The following ATF7IP variants were observed in gnomAD, a reference collection of about 807,000 sequenced individuals.
ATF7IP encodes the protein activating transcription factor 7 interacting protein, also known as activating transcription factor 7-interacting protein 1.
Under a neutral mutation model 106.4 loss-of-function variants are expected in ATF7IP, and 23 were observed. The ratio of observed to expected loss-of-function variants is 0.22; its 90% confidence interval spans 0.16 to 0.31. The LOEUF (loss-of-function observed/expected upper bound fraction) is 0.31. Among genes scored for constraint, ATF7IP ranks in the 10% least tolerant of loss-of-function variants. The probability of loss-of-function intolerance (pLI) is 1.00; values close to 1 mark genes in which losing one functional copy is unlikely to be tolerated. For missense variants in ATF7IP, 1,334 were observed against 1,524.3 expected, an observed-to-expected ratio of 0.88 and a Z score of 2.08; for synonymous variants, 542 against 539.0, an observed-to-expected ratio of 1.01 and a Z score of -0.08.
intron 10 of ATF7IP, among the ~76,000 whole-genome samples, chr12:14,473,288 C>CTATGTG (rs796814505): frequency 1.4e-5 from 2 of 140,350 alleles, no homozygotes; most frequent in Non-Finnish European, 3.1e-5. Flanking sequence ...CTCTCTCTCT[C>CTATGTG]TCTGTGTGTG....
chr12:14,460,914 A>G lies in ATF7IP; in HGVS notation c.2578A>G (p.Thr860Ala), dbSNP rs145691516. The G allele has an allele frequency of 7.9e-4, 1,279 of 1,614,032 alleles. 1 individual carries two copies. Among genetic ancestry groups the G allele is most frequent in the Non-Finnish European group, 1.0e-3 (1,227 of 1,180,026 alleles). ...CAGTCCTAGTATTCAAAGGAACCCT[A>G]CTGCCAGTGCTGCACCATTGGGAAC... ...VPSPSIQRNP[T>A]ASAAPLGTTL... The change falls in exon 9 of 15, where the codon ACT becomes GCT. Residue 860 changes from threonine to alanine, a missense_variant. Thr to Ala is a moderately conservative substitution (Grantham distance 58). This residue lies in a region of ATF7IP where 370 missense variants were observed against 401.2 expected (regional missense o/e 0.92). Transcript: ENST00000261168.
chr12:14,439,249 C>T (rs1377575755), intron 5 of ATF7IP, among the ~76,000 whole-genome samples: 1 of 152,060 alleles, frequency 6.6e-6, no homozygotes, highest in Admixed American at 6.6e-5. Flanking sequence ...GAGCATATCC[C>T]AAAGATGCTG....
chr12:14,397,611 C>A (rs1398691143), intron 1 of ATF7IP, among the ~76,000 whole-genome samples: 2 of 152,112 alleles, frequency 1.3e-5, no homozygotes, highest in African/African-American at 4.8e-5. Context: ...CTCATAGCCC[C>A]CCACTTTCTG....
intron 5 of ATF7IP, among the ~76,000 whole-genome samples, chr12:14,443,173 G>C (rs1056999586): frequency 2.0e-5 from 3 of 152,054 alleles, no homozygotes; most frequent in African/African-American, 4.8e-5. Flanking sequence ...AAGCAGGAAA[G>C]CTAGGTTTTG....
At chr12:14,476,027 C>A in intron 11 of ATF7IP, 59 bp downstream of exon 11, 1 of 1,209,656 alleles carries the variant, frequency 8.3e-7, no homozygotes, top group Non-Finnish European at 1.2e-6. Context: ...TGTCTTAATA[C>A]GGTACAGTAT....
chr12:14,424,288 C>T lies in ATF7IP; in HGVS notation c.373C>T (p.Leu125=). Residue 125 remains leucine (L), a synonymous_variant, in exon 2 of 15, where the codon CTG becomes TTG. Transcript: ENST00000261168. ...HNITPEPVSK[L]PAEPVSGDPA... ...TATAACTCCAGAACCAGTCTCTAAA[C>T]TGCCTGCTGAACCAGTTTCTGGTGA... 7 of 1,614,230 alleles carry T rather than the reference C, an allele frequency of 4.3e-6. No individual in the cohort carries two copies. The highest frequency in any genetic ancestry group is 5.9e-6 in the Non-Finnish European group (7 of 1,180,046).
intron 1 of ATF7IP, among the ~76,000 whole-genome samples, chr12:14,380,839 C>T (rs149070299): frequency 0.018 from 2,719 of 152,154 alleles, 87 homozygotes; most frequent in African/African-American, 0.062. Context: ...AAGCTGGTCT[C>T]GAACTCCTGA....
chr12:14,484,476 C>G lies in ATF7IP; in HGVS notation c.3280+3291C>G, dbSNP rs377059380. On this transcript the variant is annotated intron_variant, in intron 13 of 14. Coordinates refer to ENST00000261168, the MANE Select transcript of ATF7IP (RefSeq NM_018179.5). ...ATCATGCATCTGGCCATCTACCCTTCCAAGCAAAGTGCACAACTAGGTGTG... is the reference window on the plus strand; with the variant it reads ...ATCATGCATCTGGCCATCTACCCTTGCAAGCAAAGTGCACAACTAGGTGTG... Among the ~76,000 whole-genome samples, 11 of 152,348 alleles carry G rather than the reference C, an allele frequency of 7.2e-5. No individual in the cohort carries two copies. In the East Asian group the frequency reaches 2.1e-3, roughly 29 times the overall value.
At chr12:14,491,659 G>A (rs4391863) in intron 13 of ATF7IP, among the ~76,000 whole-genome samples, 9 of 152,312 alleles carry the variant, frequency 5.9e-5, no homozygotes, top group South Asian at 4.1e-4. Flanking sequence ...GTAAAGGTAT[G>A]TTGCTGTCTT....
rs185016647 is a variant in ATF7IP at position 14,378,055 on chromosome 12, A to T, written c.-8+12228A>T. Reference sequence around the variant, plus strand: ...ACAGTATTTAATCATTGGTCTAAGCAGTTTCTGGACAAGACTGAACAATAT... The same window carrying T: ...ACAGTATTTAATCATTGGTCTAAGCTGTTTCTGGACAAGACTGAACAATAT... On this transcript the variant is annotated intron_variant, in intron 1 of 14. Coordinates refer to ENST00000261168, the MANE Select transcript of ATF7IP (RefSeq NM_018179.5). Among the ~76,000 whole-genome samples the T allele has an allele frequency of 8.3e-4, 126 of 151,784 alleles. 2 individuals are homozygous for T. The highest frequency in any genetic ancestry group is 2.9e-3 in the African/African-American group (121 of 41,372).
intron 6 of ATF7IP, among the ~76,000 whole-genome samples, chr12:14,449,005 TTTG>T (rs1034683855): frequency 6.6e-6 from 1 of 152,194 alleles, no homozygotes; most frequent in African/African-American, 2.4e-5. Context: ...GTTCCTTATT[TTTG>T]TTGTTGTTAC....
At position 14,499,934 on chromosome 12, in the gene ATF7IP, A is replaced by T. The variant is rs142391744; in HGVS notation, c.*1861A>T. 1 of 152,328 alleles carries T rather than the reference A, an allele frequency of 6.6e-6. No homozygotes were observed. The highest frequency in any genetic ancestry group is 1.5e-5 in the Non-Finnish European group (1 of 68,028). 9.4% of individuals were successfully genotyped at this position (152,328 alleles called of 1,614,324 possible). On this transcript the variant is annotated 3_prime_UTR_variant, in exon 15 of 15. Transcript: ENST00000261168. ...CTTCAAAGTTATTAAAATTCAGCTT[A>T]GGTCATGGATTTTTAATATGAGGGC... is the stretch of plus-strand genomic sequence containing the variant.
intron 13 of ATF7IP, among the ~76,000 whole-genome samples, chr12:14,491,077 G>C (rs112565789): frequency 9.9e-5 from 15 of 152,124 alleles, no homozygotes; most frequent in African/African-American, 2.9e-4. Context: ...CAAAGGCTCT[G>C]ACAGCATCCC....
At position 14,395,392 on chromosome 12, in the gene ATF7IP, C is replaced by T. The variant is rs943323639; in HGVS notation, c.-7-28517C>T. ...TGGTAGATCGTTTAATGTTAATATTCAGGAGATTTTGAATGCCACATTTGG... is the reference window on the plus strand; with the variant it reads ...TGGTAGATCGTTTAATGTTAATATTTAGGAGATTTTGAATGCCACATTTGG... On this transcript the variant is annotated intron_variant, in intron 1 of 14. Transcript: ENST00000261168. 5.3e-5 allele frequency: 8 copies of T among 152,178 alleles called. 1 individual carries two copies. Among genetic ancestry groups the T allele is most frequent in the Admixed American group, 6.5e-5 (1 of 15,294 alleles). The allele number at this position is 152,178 out of a possible 1,614,324, so 9.4% of individuals were successfully genotyped here.
Position 14,412,140 on chromosome 12 carries a change from C to A in ATF7IP, c.-7-11769C>A, listed in dbSNP as rs542033710. Among the ~76,000 whole-genome samples, 52 of 152,238 alleles carry A rather than the reference C, an allele frequency of 3.4e-4. 1 individual carries two copies. The highest frequency in any genetic ancestry group is 1.2e-3 in the African/African-American group (48 of 41,546). On this transcript the variant is annotated intron_variant, in intron 1 of 14. Coordinates refer to ENST00000261168, the MANE Select transcript of ATF7IP (RefSeq NM_018179.5). ...TTCCAAAATATATCCTAAGGATATA[C>A]CTGTCATTTTACTGGTAGTATCACA...
At chr12:14,464,775 G>C (rs1263466010) in intron 9 of ATF7IP, among the ~76,000 whole-genome samples, 2 of 152,216 alleles carry the variant, frequency 1.3e-5, no homozygotes, top group Non-Finnish European at 2.9e-5. Context: ...TTACAGTTTT[G>C]TGAATAATTA....
At chr12:14,480,032 T>C (rs1565548168) in intron 12 of ATF7IP, among the ~76,000 whole-genome samples, 1 of 152,210 alleles carries the variant, frequency 6.6e-6, no homozygotes, top group African/African-American at 2.4e-5. Flanking sequence ...TTCTTGTTAA[T>C]ACTTTCTTCT....
chr12:14,419,284 C>G (rs553394642), intron 1 of ATF7IP: 1 of 152,060 alleles, frequency 6.6e-6, no homozygotes, highest in Non-Finnish European at 1.5e-5. Flanking sequence ...GTGAATCTGT[C>G]TACAGTCTAC....
rs1389610001 is a variant in ATF7IP at position 14,460,940 on chromosome 12, A to C, written c.2604A>C (p.Thr868=). 2 of 1,614,092 alleles carry C rather than the reference A, an allele frequency of 1.2e-6. No individual in the cohort carries two copies. Among genetic ancestry groups the C allele is most frequent in the African/African-American group, 1.3e-5 (1 of 74,944 alleles). ...CTGCCAGTGCTGCACCATTGGGAAC[A>C]ACACTTGCTGTGCAGGCTGTTCCAA... ...NPTASAAPLG[T]TLAVQAVPTA... Residue 868 remains threonine, a synonymous_variant, in exon 9 of 15, where the codon ACA becomes ACC. Transcript: ENST00000261168.
Sources: gnomAD v4.1 joint callset for allele counts (sites outside exome capture counted in the v4.1 genomes callset) on GRCh38, gnomAD v4.1.1 for gene constraint, gnomAD v4.1.1 regional missense constraint, MANE v1.5 for transcripts, NCBI Gene and HGNC (gene_info 2026-07-23, HGNC 2026-07-21) for gene names.